Variants in H6PD observed in about 807,000 individuals in gnomAD.
H6PD encodes hexose-6-phosphate dehydrogenase/glucose 1-dehydrogenase.
A neutral mutation model predicts 61.2 loss-of-function variants in H6PD; 48 were observed. That is an observed-to-expected ratio of 0.78 (90% confidence interval 0.62 to 1.00). H6PD has a LOEUF of 1.00. Ranked by LOEUF, H6PD falls within the 50% of genes least tolerant of loss-of-function variation. The pLI, the probability that H6PD is intolerant of heterozygous loss-of-function variation, is 0.00. For missense variants in H6PD, 1,093 were observed against 1,065.0 expected (o/e 1.03, Z -0.37); for synonymous variants, 480 against 457.9 (o/e 1.05, Z -0.62).
intron 3 of H6PD, among the ~76,000 whole-genome samples, chr1:9,261,622 AC>A (rs1638296259): frequency 6.6e-6 from 1 of 152,108 alleles, no homozygotes; most frequent in Admixed American, 6.5e-5. Flanking sequence ...CAAGTAACTT[AC>A]CCAAGATCAC....
chr1:9,236,944 G>A (rs922438481), intron 1 of H6PD, among the ~76,000 whole-genome samples: 1 of 152,186 alleles, frequency 6.6e-6, no homozygotes, highest in East Asian at 1.9e-4. Context: ...ATGTCTTCAT[G>A]ATGTCAGAAG....
In H6PD at chr1:9,239,053, GT is replaced by G. The variant is rs34078161; in HGVS notation, c.-11+3998del. ...TATTACCTTTCTTTTTAATTTAATG[GT>G]TTTTTTTTTTGAGACAGAGTCTCAC... On this transcript the variant is annotated intron_variant, in intron 1 of 4. Transcript: ENST00000377403. Among the ~76,000 whole-genome samples the G allele has an allele frequency of 7.8e-3, 1,140 of 146,782 alleles. 12 individuals are homozygous for G. The highest frequency in any genetic ancestry group is 0.026 in the African/African-American group (1,067 of 40,346).
At chr1:9,247,176 T>C in intron 3 of H6PD, 93 bp downstream of exon 3, 1 of 854,114 alleles carries the variant, frequency 1.2e-6, no homozygotes. Context: ...GGAGGTTTTC[T>C]GTGGGTGTGT....
Position 9,234,987 on chromosome 1 carries a change from G to C in H6PD, c.-90G>C, listed in dbSNP as rs1291735035. ...GAGGTGCGGCCCAGGGCGCAGGGGAGCCCTCGGGAGCGGGCCCGGCCCTCA... is the reference window on the plus strand; with the variant it reads ...GAGGTGCGGCCCAGGGCGCAGGGGACCCCTCGGGAGCGGGCCCGGCCCTCA... On this transcript the variant is annotated 5_prime_UTR_variant, in exon 1 of 5. Transcript: ENST00000377403. 1 of 148,070 alleles carries C rather than the reference G, an allele frequency of 6.8e-6. No individual in the cohort carries two copies. The highest frequency in any genetic ancestry group is 1.5e-5 in the Non-Finnish European group (1 of 66,292). The allele number at this position is 148,070 out of a possible 1,614,324, so 9.2% of individuals were successfully genotyped here.
At chr1:9,242,688 G>GC in intron 1 of H6PD, 2 of 985,488 alleles carry the variant, frequency 2.0e-6, no homozygotes, top group Non-Finnish European at 2.4e-6. Flanking sequence ...ACCTGCCCAT[G>GC]CCAGGACTCT....
At chr1:9,242,762 G>T (rs1221376417) in intron 1 of H6PD, 1 of 985,356 alleles carries the variant, frequency 1.0e-6, no homozygotes, top group Non-Finnish European at 1.2e-6. Context: ...GATCCGATCA[G>T]CAGCTCTGAA....
At chr1:9,259,405 G>C (rs538171188) in intron 3 of H6PD, among the ~76,000 whole-genome samples, 1 of 151,992 alleles carries the variant, frequency 6.6e-6, no homozygotes, top group Non-Finnish European at 1.5e-5. Flanking sequence ...ACTGGTGGTG[G>C]TGTTACAACA....
chr1:9,268,197 C>T lies in H6PD; in HGVS notation c.*3328C>T, dbSNP rs1416772650. 1.4e-5 allele frequency: 2 copies of T among 143,906 alleles called. No individual in the cohort carries two copies. Among genetic ancestry groups the T allele is most frequent in the African/African-American group, 2.6e-5 (1 of 38,216 alleles). 8.9% of individuals were successfully genotyped at this position (143,906 alleles called of 1,614,324 possible). On this transcript the variant is annotated 3_prime_UTR_variant, in exon 5 of 5. Coordinates refer to ENST00000377403, the MANE Select transcript of H6PD (RefSeq NM_004285.4). Reference sequence around the variant, plus strand: ...GAGGCTGCAGTAAGGTGTGATTGCACTATTGCTCTCTAGCCTGGAAAACAG... The same window carrying T: ...GAGGCTGCAGTAAGGTGTGATTGCATTATTGCTCTCTAGCCTGGAAAACAG...
intron 1 of H6PD, among the ~76,000 whole-genome samples, chr1:9,242,211 C>G (rs142645357): frequency 6.6e-6 from 1 of 152,226 alleles, no homozygotes; most frequent in African/African-American, 2.4e-5. Flanking sequence ...TCTCACTACT[C>G]AAAGTGTGCT....
rs765021735 is a variant in H6PD at position 9,245,329 on chromosome 1, G to A, written c.395G>A (p.Gly132Asp). Residue 132 changes from glycine (G) to aspartate (D), a missense_variant, in exon 2 of 5, where the codon GGC becomes GAC. By Grantham distance (94) the Gly-to-Asp change is moderately conservative (BLOSUM62 -1). Transcript: ENST00000377403. The surrounding 1 kb of genome is among the most constrained non-coding windows in gnomAD (Gnocchi z 4.8). ...ATCGAGGCACAGCTCCAGCACGCAG[G>A]CCTCCGGGAGGCTGGCAGGATCTTC... ...KDIEAQLQHA[G>D]LREAGRIFYF... 1 of 1,614,194 alleles carries A rather than the reference G, an allele frequency of 6.2e-7. No homozygotes were observed. Among genetic ancestry groups the A allele is most frequent in the East Asian group, 2.2e-5 (1 of 44,884 alleles).
chr1:9,260,245 C>T lies in H6PD; in HGVS notation c.746-1814C>T, dbSNP rs566816688. Among the ~76,000 whole-genome samples the T allele has an allele frequency of 5.4e-5, 8 of 147,174 alleles. No homozygotes were observed. The South Asian group carries it at 6.4e-4, about 12-fold the overall frequency. Reference sequence around the variant, plus strand: ...TGCTGTTGTTACGCCAGTGTTATGTCGTTACACCAGTGCTGTTATGTTGTC... The same window carrying T: ...TGCTGTTGTTACGCCAGTGTTATGTTGTTACACCAGTGCTGTTATGTTGTC... On this transcript the variant is annotated intron_variant, in intron 3 of 4. Transcript: ENST00000377403.
intron 1 of H6PD, among the ~76,000 whole-genome samples, chr1:9,239,248 T>C (rs1640929459): frequency 6.6e-6 from 1 of 152,190 alleles, no homozygotes; most frequent in Non-Finnish European, 1.5e-5. Context: ...GTTTTTGCCA[T>C]GTTGCCCAGG....
intron 1 of H6PD, among the ~76,000 whole-genome samples, chr1:9,236,235 C>T (rs963704479): frequency 2.0e-5 from 3 of 152,194 alleles, no homozygotes; most frequent in South Asian, 4.1e-4. Flanking sequence ...AGGTGATCCA[C>T]CACCTCGGCC....
intron 3 of H6PD, among the ~76,000 whole-genome samples, chr1:9,258,039 G>T (rs1641575193): frequency 6.6e-6 from 1 of 152,242 alleles, no homozygotes; most frequent in African/African-American, 2.4e-5. Flanking sequence ...CCCCGCGCCT[G>T]GTCACCTGCC....
chr1:9,236,872 C>T (rs770657463), intron 1 of H6PD, among the ~76,000 whole-genome samples: 43 of 152,154 alleles, frequency 2.8e-4, no homozygotes, highest in Non-Finnish European at 5.1e-4. Context: ...GTAACCAGTT[C>T]TCCAAAAACT....
chr1:9,264,578 C>T lies in H6PD; in HGVS notation c.2085C>T (p.Ala695=), dbSNP rs369746502. The T allele has an allele frequency of 1.1e-5, 18 of 1,613,178 alleles. No individual in the cohort carries two copies. Among genetic ancestry groups the T allele is most frequent in the East Asian group, 8.9e-5 (4 of 44,896 alleles). ...SFDLVLLGMG[A]DGHTASLFPQ... is the part of the protein sequence containing the mutation. ...ACCTGGTGCTGCTGGGCATGGGTGC[C>T]GACGGGCACACAGCCTCCCTCTTCC... Residue 695 remains alanine, a synonymous_variant, in exon 5 of 5, where the codon GCC becomes GCT. Coordinates refer to ENST00000377403, the MANE Select transcript of H6PD (RefSeq NM_004285.4).
Position 9,264,031 on chromosome 1 carries a change from T to C in H6PD, c.1538T>C (p.Phe513Ser). The C allele has an allele frequency of 6.2e-7, 1 of 1,614,164 alleles. No homozygotes were observed. Among genetic ancestry groups the C allele is most frequent in the Non-Finnish European group, 8.5e-7 (1 of 1,180,028 alleles). Residue 513 changes from phenylalanine (F) to serine (S), a missense_variant, in exon 5 of 5, where the codon TTT becomes TCT. By Grantham distance (155) the Phe-to-Ser change is radical. Transcript: ENST00000377403. ...GCTGAGAATGGCCGTCTGTTGGACT[T>C]TGAGTTCAGTAGCGGCCGGTTGTTC... ...GGAENGRLLD[F>S]EFSSGRLFFS... is the part of the protein sequence containing the mutation.
Position 9,264,642 on chromosome 1 carries a change from G to C in H6PD, c.2149G>C (p.Val717Leu). 6.2e-7 allele frequency: 1 copy of C among 1,612,958 alleles called. No individual in the cohort carries two copies. Among genetic ancestry groups the C allele is most frequent in the Non-Finnish European group, 8.5e-7 (1 of 1,179,908 alleles). Residue 717 changes from valine (V) to leucine (L), a missense_variant, in exon 5 of 5, where the codon GTG becomes CTG. Val to Leu is a conservative substitution (Grantham distance 32). Coordinates refer to ENST00000377403, the MANE Select transcript of H6PD (RefSeq NM_004285.4). Reference sequence around the variant, plus strand: ...TGGCCTGGATGGCGAGCAGCTGGTCGTGCTGACCACGAGCCCCTCCCAGCC... The same window carrying C: ...TGGCCTGGATGGCGAGCAGCTGGTCCTGCTGACCACGAGCCCCTCCCAGCC... ...PTGLDGEQLVVLTTSPSQPHR... is the reference protein window; with the variant it reads ...PTGLDGEQLVLLTTSPSQPHR...
At chr1:9,262,352 G>A in intron 4 of H6PD, 24 bp downstream of exon 4, 1 of 1,586,474 alleles carries the variant, frequency 6.3e-7, no homozygotes, top group Non-Finnish European at 8.6e-7. Context: ...CTGGGCATGG[G>A]GCACTGGGCT....
Sources: gnomAD v4.1 joint callset for allele counts (sites outside exome capture counted in the v4.1 genomes callset) on GRCh38, gnomAD v4.1.1 for gene constraint, Gnocchi (gnomAD v3.1) non-coding constraint, MANE v1.5 for transcripts, NCBI Gene and HGNC (gene_info 2026-07-23, HGNC 2026-07-21) for gene names.